Variants in SUCO observed in about 807,000 individuals in gnomAD.
SUCO encodes the protein SUN domain containing ossification factor, also known as SUN domain-containing ossification factor.
SUCO carries 57 observed loss-of-function variants against 148.1 expected under a neutral mutation model. That is an observed-to-expected ratio of 0.38 (90% CI 0.31 to 0.48). The LOEUF (loss-of-function observed/expected upper bound fraction) is 0.48, where lower values mean the gene tolerates loss of function less well. SUCO is among the 20% of genes least tolerant of loss of function. SUCO has a pLI of 0.96. For missense variants in SUCO, 1,331 were observed against 1,468.2 expected (o/e 0.91, Z 1.53); for synonymous variants, 470 against 502.7 (o/e 0.93, Z 0.87).
intron 10 of SUCO, chr1:172,574,915 T>C (rs1017140459): frequency 4.1e-6 from 4 of 984,768 alleles, no homozygotes; most frequent in Non-Finnish European, 4.8e-6. Context: ...CACTTCTTTT[T>C]CTCTCAGCTG....
At chr1:172,573,841 G>T in intron 9 of SUCO, 50 bp from the exon 10 acceptor site, 2 of 1,008,318 alleles carry the variant, frequency 2.0e-6, no homozygotes, top group South Asian at 2.8e-5. Context: ...TATTTAATAT[G>T]AACTGTTATT....
intron 15 of SUCO, among the ~76,000 whole-genome samples, chr1:172,584,737 C>G (rs921353169): frequency 6.6e-6 from 1 of 152,154 alleles, no homozygotes; most frequent in Non-Finnish European, 1.5e-5. Context: ...GATTGCACCA[C>G]TGCACTCCAG....
At chr1:172,570,951 A>G (rs1195149232) in intron 9 of SUCO, among the ~76,000 whole-genome samples, 1 of 152,234 alleles carries the variant, frequency 6.6e-6, no homozygotes, top group Non-Finnish European at 1.5e-5. Context: ...ATGAAATGGT[A>G]TAAAAAGTAC....
chr1:172,548,707 A>G (rs564756421), intron 1 of SUCO, among the ~76,000 whole-genome samples: 1 of 152,030 alleles, frequency 6.6e-6, no homozygotes, highest in South Asian at 2.1e-4. Flanking sequence ...TTGTTGCAGC[A>G]TGGTTGGAGA....
intron 1 of SUCO, among the ~76,000 whole-genome samples, chr1:172,549,961 A>C (rs1218495137): frequency 6.6e-6 from 1 of 151,638 alleles, no homozygotes; most frequent in Non-Finnish European, 1.5e-5. Flanking sequence ...TTAAATCCCC[A>C]AAGTCTGTCT....
At chr1:172,534,723 A>G (rs1226138245) in intron 1 of SUCO, among the ~76,000 whole-genome samples, 1 of 152,186 alleles carries the variant, frequency 6.6e-6, no homozygotes, top group East Asian at 1.9e-4. Flanking sequence ...CCTGTAAGAG[A>G]TAAATCCACT....
chr1:172,575,755 C>A, intron 11 of SUCO, 132 bp downstream of exon 11: 1 of 512,160 alleles, frequency 2.0e-6, no homozygotes, highest in Non-Finnish European at 3.4e-6. Flanking sequence ...ATAGATAATT[C>A]TTACTTGGGT....
chr1:172,602,879 G>A, intron 22 of SUCO, 92 bp downstream of exon 22: 2 of 1,107,252 alleles, frequency 1.8e-6, no homozygotes, highest in Non-Finnish European at 2.6e-6. Context: ...ATGACCATCT[G>A]CAACAAAAAA....
chr1:172,568,449 A>G (rs1654713841), intron 6 of SUCO: 1 of 980,660 alleles, frequency 1.0e-6, no homozygotes, highest in Non-Finnish European at 1.2e-6. Flanking sequence ...AACCAAATGT[A>G]TCAGCTTTTA....
intron 1 of SUCO, among the ~76,000 whole-genome samples, chr1:172,545,602 C>T (rs1198256231): frequency 6.6e-6 from 1 of 151,968 alleles, no homozygotes; most frequent in East Asian, 1.9e-4. Context: ...TAACTTCTGC[C>T]ACACCATACT....
chr1:172,598,565 G>T (rs920797217), intron 19 of SUCO, among the ~76,000 whole-genome samples: 1 of 152,106 alleles, frequency 6.6e-6, no homozygotes, highest in Non-Finnish European at 1.5e-5. Context: ...ACTCATGAAC[G>T]CAGTGTGTTA....
intron 19 of SUCO, among the ~76,000 whole-genome samples, chr1:172,597,063 C>T (rs778700264): frequency 2.6e-5 from 4 of 152,126 alleles, no homozygotes; most frequent in Non-Finnish European, 5.9e-5. Context: ...GAGCGAGGCT[C>T]CGTGGGCATG....
Position 172,585,850 on chromosome 1 carries a change from T to TA in SUCO, c.1568-4dup. 2 of 1,569,006 alleles carry TA rather than the reference T, an allele frequency of 1.3e-6. No individual in the cohort carries two copies. ...TGAACTCAACATTGGGCATCTTTCT[T>TA]AAAATAGGAAATAAAAGTATATCTG... On this transcript the variant is annotated splice_polypyrimidine_tract_variant and splice_region_variant and intron_variant, in intron 16 of 23. Coordinates refer to ENST00000263688, the MANE Select transcript of SUCO (RefSeq NM_014283.5).
intron 1 of SUCO, among the ~76,000 whole-genome samples, chr1:172,542,322 C>T (rs1379219153): frequency 6.6e-6 from 1 of 152,020 alleles, no homozygotes; most frequent in African/African-American, 2.4e-5. Context: ...ACGGAGGTTG[C>T]GGTGAACCAA....
intron 19 of SUCO, among the ~76,000 whole-genome samples, chr1:172,596,530 C>T (rs7542631): frequency 0.94 from 143,431 of 152,326 alleles, 67,592 homozygotes; most frequent in East Asian, 1. Context: ...TGCAGGTCTG[C>T]TGGAGTTTGC....
intron 1 of SUCO, among the ~76,000 whole-genome samples, chr1:172,538,233 G>T (rs1196625620): frequency 6.6e-6 from 1 of 152,182 alleles, no homozygotes; most frequent in Non-Finnish European, 1.5e-5. Context: ...GGTCCCACTA[G>T]AAGAGAGTTG....
rs146503983 is a variant in SUCO at position 172,594,327 on chromosome 1, T to C, written c.2913+3256T>C. 5.6e-3 allele frequency among the ~76,000 whole-genome samples: 856 copies of C among 152,270 alleles called. 31 individuals carry two copies. The East Asian group carries it at 0.083, about 15-fold the overall frequency. ...TTATTTCTTGCCTTCTGCTAGCTTT[T>C]GAATGGTTTGCTCTTGCTTCTCTAG... On this transcript the variant is annotated intron_variant, in intron 19 of 23. Coordinates refer to ENST00000263688, the MANE Select transcript of SUCO (RefSeq NM_014283.5).
chr1:172,604,462 A>G (rs930355799), intron 22 of SUCO, among the ~76,000 whole-genome samples: 3 of 151,848 alleles, frequency 2.0e-5, no homozygotes, highest in Non-Finnish European at 4.4e-5. Flanking sequence ...GATTTTACCT[A>G]TTTTTACTTG....
chr1:172,557,471 C>T, intron 5 of SUCO, 54 bp downstream of exon 5: 6 of 1,604,012 alleles, frequency 3.7e-6, no homozygotes, highest in Non-Finnish European at 5.1e-6. Context: ...ACAGCAGTGT[C>T]CTGTTTGAAT....
Sources: gnomAD v4.1 joint callset for allele counts (sites outside exome capture counted in the v4.1 genomes callset) on GRCh38, gnomAD v4.1.1 for gene constraint, MANE v1.5 for transcripts, NCBI Gene and HGNC (gene_info 2026-07-23, HGNC 2026-07-21) for gene names.